The following AFDN variants were observed in gnomAD, a reference collection of about 807,000 sequenced individuals.
AFDN encodes afadin, adherens junction formation factor, also known as afadin.
In AFDN, 68 loss-of-function variants were observed where a neutral mutation model predicts 216.6. The ratio of observed to expected loss-of-function variants is 0.31; its 90% confidence interval spans 0.26 to 0.38. The LOEUF is 0.38. AFDN is among the 10% of genes least tolerant of loss of function. AFDN has a pLI of 1.00. For synonymous variants in AFDN, 868 were observed against 853.7 expected (o/e 1.02, Z -0.29); for missense variants, 2,136 against 2,342.0 (o/e 0.91, Z 1.82).
At chr6:167,893,170 G>A (rs1212630831) in intron 8 of AFDN, among the ~76,000 whole-genome samples, 2 of 152,170 alleles carry the variant, frequency 1.3e-5, no homozygotes, top group African/African-American at 2.4e-5. Flanking sequence ...CCTAAGGGTT[G>A]GTGGCAGGCC....
chr6:167,921,469 C>T (rs1347326561), intron 21 of AFDN, among the ~76,000 whole-genome samples: 1 of 152,208 alleles, frequency 6.6e-6, no homozygotes, highest in Non-Finnish European at 1.5e-5. Context: ...ATGCTTCACA[C>T]TCAATTCTTT....
intron 1 of AFDN, among the ~76,000 whole-genome samples, chr6:167,852,502 T>C (rs918165467): frequency 1.3e-5 from 2 of 152,198 alleles, no homozygotes; most frequent in African/African-American, 4.8e-5. Flanking sequence ...TCATATTGAA[T>C]CCCATTAGAA....
At chr6:167,854,114 C>T (rs1376564363) in intron 1 of AFDN, among the ~76,000 whole-genome samples, 2 of 151,912 alleles carry the variant, frequency 1.3e-5, no homozygotes, top group Non-Finnish European at 2.9e-5. Context: ...TTCAAACCTT[C>T]AGATTTTTGC....
At chr6:167,845,572 C>T (rs980047865) in intron 1 of AFDN, among the ~76,000 whole-genome samples, 2 of 152,012 alleles carry the variant, frequency 1.3e-5, no homozygotes, top group African/African-American at 2.4e-5. Flanking sequence ...GACAGGGTTT[C>T]GCCATGTTGG....
At chr6:167,910,883 A>G (rs1790296872) in intron 13 of AFDN, among the ~76,000 whole-genome samples, 1 of 152,182 alleles carries the variant, frequency 6.6e-6, no homozygotes, top group Admixed American at 6.5e-5. Flanking sequence ...GGCGGCATAT[A>G]CTTCAAGGAA....
chr6:167,941,967 G>A (rs1260889557), intron 23 of AFDN, among the ~76,000 whole-genome samples: 2 of 152,358 alleles, frequency 1.3e-5, no homozygotes, highest in African/African-American at 2.4e-5. Context: ...CCAAAATGGA[G>A]TTGCTTTGTT....
Position 167,971,081 on chromosome 6 carries a change from G to A in AFDN, c.*1146G>A, listed in dbSNP as rs967603559. 1.4e-5 allele frequency: 3 copies of A among 219,940 alleles called. No individual in the cohort carries two copies. The highest frequency in any genetic ancestry group is 2.2e-5 in the African/African-American group (1 of 44,614). 13.6% of individuals were successfully genotyped at this position (219,940 alleles called of 1,614,324 possible). A position where few individuals can be genotyped will look rare whatever the true frequency, so the allele number is the denominator to read the frequency against. On this transcript the variant is annotated 3_prime_UTR_variant, in exon 34 of 34. Transcript: ENST00000683244. ...GATATGTGGCTGATGTTGGGGAGAC[G>A]GACCTCAGTGTGTTTTATATTGTCT...
intron 6 of AFDN, among the ~76,000 whole-genome samples, chr6:167,882,386 C>T (rs532898573): frequency 6.6e-6 from 1 of 151,896 alleles, no homozygotes; most frequent in East Asian, 1.9e-4. Context: ...CAAAAGGAAG[C>T]CAGGCATGGT....
rs1479740447 is a variant in AFDN at position 167,962,599 on chromosome 6, A to T, written c.4968+32A>T. The T allele has an allele frequency of 6.2e-7, 1 of 1,613,756 alleles. No homozygotes were observed. On this transcript the variant is annotated intron_variant, in intron 31 of 33. Transcript: ENST00000683244. This position sits in a 1 kb window ranked among gnomAD's most constrained non-coding sequence, Gnocchi z 5.2. ...GTCCTTTAAGGGCAGCTAGAATTTTACCAAGTTAGCCTGAACGTAATCGAT... is the reference window on the plus strand; with the variant it reads ...GTCCTTTAAGGGCAGCTAGAATTTTTCCAAGTTAGCCTGAACGTAATCGAT...
intron 29 of AFDN, among the ~76,000 whole-genome samples, chr6:167,950,160 A>G (rs902958058): frequency 4.6e-5 from 7 of 152,156 alleles, no homozygotes; most frequent in African/African-American, 1.7e-4. Context: ...TTTCTGTGAG[A>G]CTACTGCTTT....
chr6:167,844,849 C>CTT (rs67495555), intron 1 of AFDN, among the ~76,000 whole-genome samples: 4 of 127,688 alleles, frequency 3.1e-5, no homozygotes, highest in Admixed American at 2.5e-4. Context: ...CTTTTCTTTT[C>CTT]TTTTTTTTTT....
In AFDN at chr6:167,943,462, C is replaced by G; in HGVS notation, c.3226C>G (p.Leu1076Val). ...LSVDGRSLVG[L>V]SQERAAELMT... ...TGTGGATGGACGAAGTCTGGTTGGACTCTCTCAGGAAAGGTATCATTGATT... is the reference window on the plus strand; with the variant it reads ...TGTGGATGGACGAAGTCTGGTTGGAGTCTCTCAGGAAAGGTATCATTGATT... The change falls in exon 25 of 34, where the codon CTC (leucine) becomes GTC (valine). Residue 1076 changes from leucine (L) to valine (V), a missense_variant. Physicochemically the swap from Leu to Val is conservative, Grantham distance 32. Transcript: ENST00000683244. 6.2e-7 allele frequency: 1 copy of G among 1,613,518 alleles called. No homozygotes were observed. The highest frequency in any genetic ancestry group is 8.5e-7 in the Non-Finnish European group (1 of 1,179,408).
Position 167,911,498 on chromosome 6 carries a change from C to G in AFDN, c.2037+9C>G, listed in dbSNP as rs1433978626. On this transcript the variant is annotated intron_variant, in intron 15 of 33. Coordinates refer to ENST00000683244, the MANE Select transcript of AFDN (RefSeq NM_001386888.1). Reference sequence around the variant, plus strand: ...TGGAGGGTGTCATCCAGGTACGTTCCAGCCGGCCAGCCATGCTCCTCCAGT... The same window carrying G: ...TGGAGGGTGTCATCCAGGTACGTTCGAGCCGGCCAGCCATGCTCCTCCAGT... The G allele has an allele frequency of 6.2e-7, 1 of 1,613,282 alleles. No homozygotes were observed. Among genetic ancestry groups the G allele is most frequent in the Non-Finnish European group, 8.5e-7 (1 of 1,179,366 alleles).
chr6:167,880,525 A>G lies in AFDN; in HGVS notation c.897+8A>G, dbSNP rs1232015222. 5 of 1,612,406 alleles carry G rather than the reference A, an allele frequency of 3.1e-6. No individual in the cohort carries two copies. Among genetic ancestry groups the G allele is most frequent in the Non-Finnish European group, 4.2e-6 (5 of 1,179,252 alleles). On this transcript the variant is annotated splice_region_variant and intron_variant, in intron 6 of 33. Coordinates refer to ENST00000683244, the MANE Select transcript of AFDN (RefSeq NM_001386888.1). ...GATTACTGCATCGCCCGGGTAAGGA[A>G]CTTTATCAAATCAGTAGTTCTTTCT...
chr6:167,849,509 G>C (rs879536576), intron 1 of AFDN, among the ~76,000 whole-genome samples: 10 of 152,078 alleles, frequency 6.6e-5, no homozygotes, highest in African/African-American at 1.7e-4. Flanking sequence ...CAGTGATTTT[G>C]AGGTTTTTGT....
intron 8 of AFDN, among the ~76,000 whole-genome samples, chr6:167,892,353 TG>T (rs1315087242): frequency 3.3e-4 from 51 of 152,340 alleles, no homozygotes; most frequent in African/African-American, 1.2e-3. Flanking sequence ...CATTGATGTT[TG>T]GTTGTCTGAG....
intron 5 of AFDN, among the ~76,000 whole-genome samples, chr6:167,876,193 C>T (rs1048540192): frequency 5.9e-5 from 9 of 152,146 alleles, no homozygotes; most frequent in South Asian, 2.1e-4. Flanking sequence ...CTGGGGGGAA[C>T]GTTGGCCCAC....
At chr6:167,852,741 T>G (rs901750413) in intron 1 of AFDN, among the ~76,000 whole-genome samples, 4 of 152,182 alleles carry the variant, frequency 2.6e-5, no homozygotes, top group Non-Finnish European at 4.4e-5. Flanking sequence ...CCTTCAGTGC[T>G]AACATTGATT....
intron 1 of AFDN, among the ~76,000 whole-genome samples, chr6:167,847,473 G>A (rs757002493): frequency 1.1e-4 from 17 of 151,972 alleles, no homozygotes; most frequent in South Asian, 2.1e-4. Context: ...CATCGGCACC[G>A]CACTCTCATC....
Sources: allele counts gnomAD v4.1 joint callset (sites outside exome capture counted in the v4.1 genomes callset), GRCh38; gene constraint gnomAD v4.1.1; non-coding constraint Gnocchi (gnomAD v3.1); transcripts MANE v1.5; gene names NCBI Gene and HGNC (gene_info 2026-07-23, HGNC 2026-07-21).